GRM5: variants seen among roughly 807,000 people sequenced by gnomAD.
GRM5 encodes glutamate metabotropic receptor 5, also known as metabotropic glutamate receptor 5.
GRM5 carries 19 observed loss-of-function variants against 83.1 expected under a neutral mutation model. The ratio of observed to expected loss-of-function variants is 0.23; its 90% CI spans 0.16 to 0.34. The LOEUF is 0.34. Among genes scored for constraint, GRM5 ranks in the 10% least tolerant of loss-of-function variants. The pLI is 1.00. For missense variants in GRM5, 1,160 were observed against 1,588.3 expected (o/e 0.73, Z 4.58); for synonymous variants, 675 against 633.6 (o/e 1.07, Z -0.98).
intron 2 of GRM5, among the ~76,000 whole-genome samples, chr11:89,032,347 A>G (rs1434353853): frequency 2.0e-5 from 3 of 152,086 alleles, no homozygotes; most frequent in Non-Finnish European, 4.4e-5. Flanking sequence ...ATATACATAC[A>G]TATTTCAATT....
intron 5 of GRM5, among the ~76,000 whole-genome samples, chr11:88,599,962 T>G (rs1231025406): frequency 1.3e-5 from 2 of 151,996 alleles, no homozygotes; most frequent in African/African-American, 4.8e-5. Flanking sequence ...GCAGTGAGCC[T>G]AGATCGCGCC....
chr11:88,799,188 A>G (rs1943342114), intron 3 of GRM5, among the ~76,000 whole-genome samples: 1 of 152,124 alleles, frequency 6.6e-6, no homozygotes, highest in East Asian at 1.9e-4. Flanking sequence ...ATATTTTTAT[A>G]TGAGAATTTT....
chr11:88,834,304 TA>T (rs1294972271), intron 3 of GRM5, among the ~76,000 whole-genome samples: 3 of 149,626 alleles, frequency 2.0e-5, no homozygotes, highest in Admixed American at 6.6e-5. Context: ...AATTGCCAAA[TA>T]TTTTTTTAAA....
At chr11:88,666,806 C>A (rs767450270) in intron 3 of GRM5, among the ~76,000 whole-genome samples, 1 of 152,194 alleles carries the variant, frequency 6.6e-6, no homozygotes, top group Non-Finnish European at 1.5e-5. Flanking sequence ...ACAGCAAATT[C>A]TCTCTGGATG....
At chr11:88,637,746 G>C (rs1322264715) in intron 4 of GRM5, among the ~76,000 whole-genome samples, 2 of 148,966 alleles carry the variant, frequency 1.3e-5, no homozygotes, top group African/African-American at 4.9e-5. Flanking sequence ...AGTCAGTGTG[G>C]TGATTCCTCA....
intron 8 of GRM5, among the ~76,000 whole-genome samples, chr11:88,549,659 G>C (rs1003270601): frequency 6.6e-6 from 1 of 152,004 alleles, no homozygotes; most frequent in East Asian, 1.9e-4. Context: ...TGGAGGTATA[G>C]TATGGCACTG....
chr11:88,793,462 A>C (rs1185429681), intron 3 of GRM5, among the ~76,000 whole-genome samples: 2 of 152,220 alleles, frequency 1.3e-5, no homozygotes, highest in African/African-American at 2.4e-5. Context: ...GTAGAACCGT[A>C]GTATCAATCT....
chr11:88,637,969 G>A lies in GRM5; in HGVS notation c.1147+15199C>T, dbSNP rs112888095. 4.5e-3 allele frequency among the ~76,000 whole-genome samples: 685 copies of A among 151,840 alleles called. 11 individuals are homozygous for A. The highest frequency in any genetic ancestry group is 0.015 in the African/African-American group (634 of 41,368). On this transcript the variant is annotated intron_variant, in intron 4 of 9. Coordinates refer to ENST00000305447, the MANE Select transcript of GRM5 (RefSeq NM_001143831.3). ...GCACATATACACCATGGAATCCTAC[G>A]CAGCCATAAAAAATGATTAGTTCAT...
chr11:89,043,857 C>T (rs543728034), intron 2 of GRM5, among the ~76,000 whole-genome samples: 2 of 152,212 alleles, frequency 1.3e-5, no homozygotes, highest in East Asian at 3.9e-4. Flanking sequence ...ATTTGGAAAA[C>T]CTGGGTGCTC....
chr11:88,881,929 C>G (rs2135573864), intron 2 of GRM5, among the ~76,000 whole-genome samples: 1 of 152,052 alleles, frequency 6.6e-6, no homozygotes, highest in Non-Finnish European at 1.5e-5. Flanking sequence ...TTTTCATTTT[C>G]TATACAAAAT....
chr11:88,879,621 G>A (rs1944918244), intron 2 of GRM5, among the ~76,000 whole-genome samples: 1 of 151,876 alleles, frequency 6.6e-6, no homozygotes, highest in Non-Finnish European at 1.5e-5. Context: ...TCAGCCATAT[G>A]TTTCCAAGAT....
At chr11:88,965,767 A>G (rs1338063254) in intron 2 of GRM5, among the ~76,000 whole-genome samples, 1 of 152,328 alleles carries the variant, frequency 6.6e-6, no homozygotes, top group Admixed American at 6.5e-5. Flanking sequence ...CTGTTGGTAC[A>G]TAAAGGAGAC....
chr11:88,903,164 G>A (rs1945344436), intron 2 of GRM5, among the ~76,000 whole-genome samples: 1 of 152,008 alleles, frequency 6.6e-6, no homozygotes, highest in Non-Finnish European at 1.5e-5. Context: ...AAATGCGAAG[G>A]CCCTGAGGCT....
intron 7 of GRM5, among the ~76,000 whole-genome samples, chr11:88,570,038 A>G (rs921625702): frequency 6.6e-6 from 1 of 152,048 alleles, no homozygotes. Flanking sequence ...GAAGAAACAA[A>G]GGAAAGAGAA....
rs145320853 is a variant in GRM5 at position 88,567,737 on chromosome 11, A to G, written c.1946T>C (p.Ile649Thr). 13 of 1,613,986 alleles carry G rather than the reference A, an allele frequency of 8.1e-6. No individual in the cohort carries two copies. The highest frequency in any genetic ancestry group is 6.7e-5 in the African/African-American group (5 of 74,934). ...PKQIYCYLQR[I>T]GIGLSPAMSY... is the part of the protein sequence containing the mutation. ...CATGGCTGGGGAGAGACCAATGCCA[A>G]TTCTCTGAAGGTAGCAGTAAATCTG... Residue 649 changes from isoleucine to threonine, a missense_variant, in exon 8 of 10, where the codon ATT becomes ACT. This residue lies in a region of GRM5 where 132 missense variants were observed against 245.5 expected (regional missense o/e 0.54). Coordinates refer to ENST00000305447, the MANE Select transcript of GRM5 (RefSeq NM_001143831.3). The surrounding 1 kb of genome is among the most constrained non-coding windows in gnomAD (Gnocchi z 7.3).
At chr11:88,689,716 C>T (rs774809692) in intron 3 of GRM5, among the ~76,000 whole-genome samples, 4 of 152,130 alleles carry the variant, frequency 2.6e-5, no homozygotes, top group Admixed American at 6.6e-5. Context: ...TTTAAGGTCA[C>T]GCCTATGCCT....
chr11:89,026,276 A>G (rs1258995895), intron 2 of GRM5, among the ~76,000 whole-genome samples: 26 of 152,230 alleles, frequency 1.7e-4, no homozygotes, highest in Non-Finnish European at 1.9e-4. Flanking sequence ...CAATTTACCC[A>G]TGTAACAAAC....
chr11:88,744,636 C>G (rs1193832348), intron 3 of GRM5, among the ~76,000 whole-genome samples: 1 of 152,084 alleles, frequency 6.6e-6, no homozygotes, highest in Non-Finnish European at 1.5e-5. Context: ...ATTAACGCTT[C>G]ACAGCAGAAA....
rs72639182 is a variant in GRM5 at position 88,653,571 on chromosome 11, A to T, written c.912-168T>A. On this transcript the variant is annotated intron_variant, in intron 3 of 9. Transcript: ENST00000305447. The stretch of plus-strand genomic sequence containing the variant: ...TGATATAGAAGCTTGTTAGAATAAA[A>T]AGTGCAATAACACCATGGAAATTTT... Among the ~76,000 whole-genome samples, 1,576 of 152,166 alleles carry T rather than the reference A, an allele frequency of 0.01. 47 individuals are homozygous for T. In the East Asian group the frequency reaches 0.12, roughly 11 times the overall value.
Sources: gnomAD v4.1 joint callset for allele counts (sites outside exome capture counted in the v4.1 genomes callset) on GRCh38, gnomAD v4.1.1 for gene constraint, gnomAD v4.1.1 regional missense constraint, Gnocchi (gnomAD v3.1) non-coding constraint, MANE v1.5 for transcripts, NCBI Gene and HGNC (gene_info 2026-07-23, HGNC 2026-07-21) for gene names.